CADPS: variants seen among roughly 807,000 people sequenced by gnomAD.
CADPS encodes the protein calcium-dependent secretion activator 1.
CADPS carries 57 observed loss-of-function variants against 167.3 expected under a neutral mutation model. The ratio of observed to expected loss-of-function variants is 0.34; its 90% CI spans 0.28 to 0.42. The LOEUF (loss-of-function observed/expected upper bound fraction) is 0.42, where lower values mean the gene tolerates loss of function less well. Among genes scored for constraint, CADPS ranks in the 20% least tolerant of loss-of-function variants. The pLI is 1.00. For missense variants in CADPS, 1,414 were observed against 1,738.1 expected (o/e 0.81, Z 3.32); for synonymous variants, 676 against 635.3 (o/e 1.06, Z -0.96).
At chr3:62,648,569 C>T (rs1459400158) in intron 5 of CADPS, among the ~76,000 whole-genome samples, 1 of 151,610 alleles carries the variant, frequency 6.6e-6, no homozygotes, top group African/African-American at 2.4e-5. Context: ...GTAGTCCCAG[C>T]TACTTGGGAG....
At chr3:62,861,584 C>G (rs1318742685) in intron 1 of CADPS, among the ~76,000 whole-genome samples, 1 of 152,184 alleles carries the variant, frequency 6.6e-6, no homozygotes, top group African/African-American at 2.4e-5. Flanking sequence ...CCTTTTCTCA[C>G]AGTGTGAAGA....
chr3:62,466,920 T>A (rs2150405416), intron 24 of CADPS, among the ~76,000 whole-genome samples: 1 of 152,256 alleles, frequency 6.6e-6, no homozygotes, highest in Non-Finnish European at 1.5e-5. Context: ...AACTCCTCAT[T>A]TTGTCTCCAA....
intron 21 of CADPS, among the ~76,000 whole-genome samples, chr3:62,490,017 T>C (rs141914115): frequency 5.2e-4 from 79 of 152,244 alleles, no homozygotes; most frequent in Non-Finnish European, 8.2e-4. Flanking sequence ...CTCCCTGCAA[T>C]AGGGAAACTC....
chr3:62,608,126 C>G (rs1362831446), intron 6 of CADPS, among the ~76,000 whole-genome samples: 1 of 152,108 alleles, frequency 6.6e-6, no homozygotes, highest in African/African-American at 2.4e-5. Flanking sequence ...CCAGTTGCAT[C>G]TGGGGCTCCT....
intron 22 of CADPS, among the ~76,000 whole-genome samples, chr3:62,479,329 C>T (rs2061682425): frequency 6.6e-6 from 1 of 152,190 alleles, no homozygotes; most frequent in Non-Finnish European, 1.5e-5. Context: ...TTTTTTGTAA[C>T]AATCCCATTT....
chr3:62,615,896 C>T (rs772867531), intron 6 of CADPS, among the ~76,000 whole-genome samples: 2 of 152,132 alleles, frequency 1.3e-5, no homozygotes, highest in Non-Finnish European at 2.9e-5. Context: ...ATAAGACAAC[C>T]CTGCAACCTT....
chr3:62,806,322 CA>C lies in CADPS; in HGVS notation c.442-40339del, dbSNP rs540710130. ...ATTGAACATCTACTTTAAACCAGGG[CA>C]TTCAGCCTGGGCAACATAGCAAGAC... On this transcript the variant is annotated intron_variant, in intron 1 of 29. Transcript: ENST00000383710. 1.9e-3 allele frequency among the ~76,000 whole-genome samples: 281 copies of C among 149,354 alleles called. 1 individual carries two copies. Among genetic ancestry groups the C allele is most frequent in the African/African-American group, 6.8e-3 (273 of 40,436 alleles).
chr3:62,619,617 C>A (rs1578948269), intron 6 of CADPS, among the ~76,000 whole-genome samples: 1 of 152,146 alleles, frequency 6.6e-6, no homozygotes, highest in Non-Finnish European at 1.5e-5. Context: ...CTAGTCCCTG[C>A]AACCCCTCTG....
chr3:62,662,719 C>T (rs897018856), intron 3 of CADPS, among the ~76,000 whole-genome samples: 5 of 152,120 alleles, frequency 3.3e-5, no homozygotes, highest in East Asian at 1.9e-4. Context: ...AGTGCTTACA[C>T]GGCAGATGTA....
At chr3:62,499,300 C>G (rs377754578) in intron 17 of CADPS, 32 bp from the exon 18 acceptor site, 1 of 1,428,052 alleles carries the variant, frequency 7.0e-7, no homozygotes, top group Non-Finnish European at 9.9e-7. Flanking sequence ...TAAAATTCAG[C>G]GAAAGTGGCA....
intron 2 of CADPS, among the ~76,000 whole-genome samples, chr3:62,763,159 C>G (rs1195931315): frequency 1.3e-5 from 2 of 152,182 alleles, no homozygotes; most frequent in African/African-American, 2.4e-5. Context: ...CTTAACCCCC[C>G]AGTCTATTTC....
intron 6 of CADPS, among the ~76,000 whole-genome samples, chr3:62,621,908 T>TTC (rs72584216): frequency 2.6e-5 from 4 of 151,498 alleles, no homozygotes; most frequent in African/African-American, 9.7e-5. Context: ...TTTTTTTTTT[T>TTC]TAAATTTAGA....
intron 3 of CADPS, among the ~76,000 whole-genome samples, chr3:62,747,773 T>C (rs1255627085): frequency 6.6e-6 from 1 of 152,194 alleles, no homozygotes; most frequent in Non-Finnish European, 1.5e-5. Context: ...ATTATCGTCT[T>C]ATCCTATTAG....
At chr3:62,746,607 G>A (rs2081508467) in intron 3 of CADPS, among the ~76,000 whole-genome samples, 1 of 152,060 alleles carries the variant, frequency 6.6e-6, no homozygotes, top group Admixed American at 6.5e-5. Context: ...CAAAGTGTTG[G>A]GATTTCAGAT....
intron 28 of CADPS, among the ~76,000 whole-genome samples, chr3:62,417,572 A>G (rs2050390768): frequency 6.6e-6 from 1 of 152,112 alleles, no homozygotes; most frequent in Admixed American, 6.5e-5. Flanking sequence ...GGCGTGAGCC[A>G]CTGCACCTGG....
intron 3 of CADPS, among the ~76,000 whole-genome samples, chr3:62,706,990 T>C (rs1350085992): frequency 6.6e-6 from 1 of 152,060 alleles, no homozygotes; most frequent in Non-Finnish European, 1.5e-5. Flanking sequence ...CCCTTACATT[T>C]ATACAAAAAA....
At chr3:62,736,805 C>T (rs535572) in intron 3 of CADPS, among the ~76,000 whole-genome samples, 48,942 of 152,022 alleles carry the variant, frequency 0.32, 8,592 homozygotes, top group African/African-American at 0.46. Context: ...GATACCATGG[C>T]GAACAATTCT....
chr3:62,719,072 A>G (rs1311625998), intron 3 of CADPS, among the ~76,000 whole-genome samples: 2 of 152,190 alleles, frequency 1.3e-5, no homozygotes, highest in South Asian at 2.1e-4. Context: ...CTGGGTTTAT[A>G]TATCAATCCC....
intron 16 of CADPS, among the ~76,000 whole-genome samples, chr3:62,515,732 A>G (rs1157465924): frequency 6.6e-6 from 1 of 152,094 alleles, no homozygotes; most frequent in Non-Finnish European, 1.5e-5. Flanking sequence ...AATTCTACAG[A>G]ACTCCTTCAT....
Sources: gnomAD v4.1 joint callset for allele counts (sites outside exome capture counted in the v4.1 genomes callset) on GRCh38, gnomAD v4.1.1 for gene constraint, MANE v1.5 for transcripts, NCBI Gene and HGNC (gene_info 2026-07-23, HGNC 2026-07-21) for gene names.